The following DPP10 variants were observed in gnomAD, a reference collection of about 807,000 sequenced individuals.
DPP10 encodes the protein dipeptidyl peptidase like 10.
DPP10 carries 33 observed loss-of-function variants against 120.9 expected under a neutral mutation model. The observed-to-expected ratio is 0.27, with a 90% CI of 0.21 to 0.37. The LOEUF (loss-of-function observed/expected upper bound fraction) is 0.37, where lower values mean the gene tolerates loss of function less well. DPP10 is among the 10% of genes least tolerant of loss of function. The pLI, the probability that DPP10 is intolerant of heterozygous loss-of-function variation, is 1.00. For synonymous variants in DPP10, 337 were observed against 326.1 expected (o/e 1.03, Z -0.36); for missense variants, 816 against 942.8 (o/e 0.87, Z 1.76).
rs148835319 is a variant in DPP10 at position 115,090,146 on chromosome 2, T to A, written c.61-219093T>A. On this transcript the variant is annotated intron_variant, in intron 1 of 25. Coordinates refer to ENST00000410059, the MANE Select transcript of DPP10 (RefSeq NM_020868.6). The stretch of plus-strand genomic sequence containing the variant: ...TGTCACATTTGTGTTATGTTTTATT[T>A]GCTTATCTATTTTGACAAATGTTCA... Among the ~76,000 whole-genome samples, 57 of 152,350 alleles carry A rather than the reference T, an allele frequency of 3.7e-4. No homozygotes were observed. The South Asian group carries it at 5.0e-3, about 13-fold the overall frequency.
At chr2:114,661,652 T>C (rs1697412937) in intron 1 of DPP10, among the ~76,000 whole-genome samples, 1 of 152,158 alleles carries the variant, frequency 6.6e-6, no homozygotes, top group African/African-American at 2.4e-5. Context: ...TTTGTTGCTG[T>C]TTGTATGTTC....
chr2:114,835,473 C>G (rs754238990), intron 1 of DPP10: 2 of 152,174 alleles, frequency 1.3e-5, no homozygotes, highest in East Asian at 3.8e-4. Flanking sequence ...CAGCGATTTT[C>G]TATCACGTTC....
rs555321173 is a variant in DPP10, at chr2:115,253,672, G to T, written c.61-55567G>T. Among the ~76,000 whole-genome samples the T allele has an allele frequency of 4.6e-5, 7 of 152,320 alleles. No homozygotes were observed. In the South Asian group the frequency reaches 1.4e-3, roughly 32 times the overall value. Reference sequence around the variant, plus strand: ...AACCTCAAAACTTCAAAATAATTTTGTTTTACTACATGTCCCACATCCAAG... The same window carrying T: ...AACCTCAAAACTTCAAAATAATTTTTTTTTACTACATGTCCCACATCCAAG... On this transcript the variant is annotated intron_variant, in intron 1 of 25. Coordinates refer to ENST00000410059, the MANE Select transcript of DPP10 (RefSeq NM_020868.6).
intron 5 of DPP10, among the ~76,000 whole-genome samples, chr2:115,545,715 A>G (rs1047294572): frequency 3.9e-5 from 6 of 152,142 alleles, no homozygotes; most frequent in African/African-American, 1.4e-4. Context: ...CCAAATCCTC[A>G]AGGGCTCATA....
At chr2:115,150,925 T>G (rs932769585) in intron 1 of DPP10, among the ~76,000 whole-genome samples, 1 of 152,232 alleles carries the variant, frequency 6.6e-6, no homozygotes, top group African/African-American at 2.4e-5. Flanking sequence ...CTGTTTCTTT[T>G]TACTTTCTTC....
intron 1 of DPP10, among the ~76,000 whole-genome samples, chr2:115,255,605 T>G (rs903650760): frequency 2.0e-5 from 3 of 152,222 alleles, no homozygotes; most frequent in Non-Finnish European, 4.4e-5. Flanking sequence ...TGCTTCCTCT[T>G]TAATTATTTG....
At chr2:114,711,719 A>G (rs1558661437) in intron 1 of DPP10, among the ~76,000 whole-genome samples, 1 of 152,060 alleles carries the variant, frequency 6.6e-6, no homozygotes, top group African/African-American at 2.4e-5. Flanking sequence ...TTCCAATAGG[A>G]TAAGTGAACA....
At chr2:114,695,975 T>G (rs1228752361) in intron 1 of DPP10, among the ~76,000 whole-genome samples, 4 of 152,106 alleles carry the variant, frequency 2.6e-5, no homozygotes, top group Non-Finnish European at 4.4e-5. Context: ...AGTATGGTAT[T>G]TAGTATATTG....
intron 1 of DPP10, among the ~76,000 whole-genome samples, chr2:114,933,157 G>C (rs78999876): frequency 0.042 from 6,335 of 152,208 alleles, 425 homozygotes; most frequent in African/African-American, 0.15. Context: ...ATAAAATGGT[G>C]TTGCTCTTAG....
At chr2:115,643,878 GT>G (rs1182842364) in intron 5 of DPP10, among the ~76,000 whole-genome samples, 1 of 152,132 alleles carries the variant, frequency 6.6e-6, no homozygotes, top group Non-Finnish European at 1.5e-5. Flanking sequence ...TGTCTAAACA[GT>G]TCACTTTGGA....
At chr2:115,384,723 AAGAAGAAGAAG>A (rs1190565822) in intron 3 of DPP10, among the ~76,000 whole-genome samples, 112 of 152,058 alleles carry the variant, frequency 7.4e-4, no homozygotes, top group African/African-American at 2.5e-3. Flanking sequence ...GAAGAAGAAG[AAGAAGAAGAAG>A]AGAAGAAGGA....
At chr2:115,737,828 G>A (rs976692112) in intron 8 of DPP10, among the ~76,000 whole-genome samples, 6 of 152,002 alleles carry the variant, frequency 3.9e-5, no homozygotes, top group Admixed American at 2.6e-4. Context: ...GAGATATCCC[G>A]GTGTATCCCA....
intron 1 of DPP10, among the ~76,000 whole-genome samples, chr2:114,825,272 G>T (rs1039469460): frequency 1.3e-5 from 2 of 152,162 alleles, no homozygotes; most frequent in African/African-American, 4.8e-5. Context: ...CCTCACAGGA[G>T]GAAAATGTCA....
chr2:114,678,306 G>A (rs936345871), intron 1 of DPP10, among the ~76,000 whole-genome samples: 1 of 152,006 alleles, frequency 6.6e-6, no homozygotes, highest in Non-Finnish European at 1.5e-5. Context: ...CTGAGTGGTT[G>A]TTTCTTTTTC....
chr2:114,800,304 G>A (rs1684082981), intron 1 of DPP10, among the ~76,000 whole-genome samples: 1 of 152,210 alleles, frequency 6.6e-6, no homozygotes, highest in South Asian at 2.1e-4. Flanking sequence ...GGAACGATAT[G>A]AGGAAAAGAA....
chr2:114,490,858 A>G (rs1488959326), intron 1 of DPP10, among the ~76,000 whole-genome samples: 2 of 152,210 alleles, frequency 1.3e-5, no homozygotes, highest in African/African-American at 2.4e-5. Flanking sequence ...ATTGAATTTT[A>G]TAGAAGAGAC....
chr2:114,468,137 T>C (rs978601035), intron 1 of DPP10, among the ~76,000 whole-genome samples: 21 of 152,146 alleles, frequency 1.4e-4, no homozygotes, highest in Non-Finnish European at 2.8e-4. Context: ...ATTACAATAC[T>C]CCGTAAAGGT....
At chr2:114,781,285 G>A (rs1682302785) in intron 1 of DPP10, among the ~76,000 whole-genome samples, 1 of 152,116 alleles carries the variant, frequency 6.6e-6, no homozygotes, top group Admixed American at 6.5e-5. Context: ...TTGCCTTAAA[G>A]AAAAAGTTGG....
At chr2:114,870,468 T>A (rs1012308921) in intron 1 of DPP10, among the ~76,000 whole-genome samples, 1 of 152,004 alleles carries the variant, frequency 6.6e-6, no homozygotes, top group South Asian at 2.1e-4. Context: ...CTCCATTTAG[T>A]AATAAATTAT....
Sources: allele counts gnomAD v4.1 joint callset (sites outside exome capture counted in the v4.1 genomes callset), GRCh38; gene constraint gnomAD v4.1.1; transcripts MANE v1.5; gene names NCBI Gene and HGNC (gene_info 2026-07-23, HGNC 2026-07-21).